The following AKAP10 variants were observed in gnomAD, a reference collection of about 807,000 sequenced individuals.
AKAP10 encodes the protein A-kinase anchoring protein 10, also known as A-kinase anchor protein 10, mitochondrial.
In AKAP10, 24 loss-of-function variants were observed where a neutral mutation model predicts 80.8. The ratio of observed to expected loss-of-function variants is 0.30; its 90% CI spans 0.22 to 0.42. AKAP10 has a LOEUF of 0.42. Ranked by LOEUF, AKAP10 falls within the 10% of genes least tolerant of loss-of-function variation. The pLI is 1.00. For synonymous variants in AKAP10, 291 were observed against 277.7 expected (o/e 1.05, Z -0.48); for missense variants, 661 against 794.9 (o/e 0.83, Z 2.03).
At chr17:19,932,681 C>A (rs972257564) in intron 9 of AKAP10, among the ~76,000 whole-genome samples, 60 of 152,064 alleles carry the variant, frequency 3.9e-4, no homozygotes, top group Admixed American at 1.2e-3. Flanking sequence ...ACTCACCAGG[C>A]GTGTGATTGC....
At chr17:19,917,174 A>C (rs889932641) in intron 12 of AKAP10, among the ~76,000 whole-genome samples, 3 of 151,642 alleles carry the variant, frequency 2.0e-5, no homozygotes, top group African/African-American at 7.3e-5. Context: ...CTGAGGCAGG[A>C]GAATGGTGTG....
At chr17:19,944,493 A>C (rs58410563) in intron 5 of AKAP10, among the ~76,000 whole-genome samples, 3,574 of 152,036 alleles carry the variant, frequency 0.024, 130 homozygotes, top group African/African-American at 0.081. Flanking sequence ...CTACTAAAAT[A>C]CAAAAAAAAA....
rs1325474253 is a variant in AKAP10 at position 19,906,288 on chromosome 17, A to G, written c.1984-56T>C. On this transcript the variant is annotated intron_variant, in intron 14 of 14. Transcript: ENST00000225737. Reference sequence around the variant, plus strand: ...GGTGCATTTCTCTAACAAGTGACCTATTATTACAAATTAAGGATGGACACC... The same window carrying G: ...GGTGCATTTCTCTAACAAGTGACCTGTTATTACAAATTAAGGATGGACACC... The G allele has an allele frequency of 2.6e-6, 4 of 1,567,036 alleles. No individual in the cohort carries two copies. In the African/African-American group the frequency reaches 5.4e-5, roughly 21 times the overall value.
intron 14 of AKAP10, among the ~76,000 whole-genome samples, chr17:19,906,793 C>T (rs532036474): frequency 3.0e-4 from 45 of 152,246 alleles, no homozygotes; most frequent in African/African-American, 1.1e-3. Context: ...AGAGAGGTAT[C>T]AACACAGGAT....
At chr17:19,907,890 T>G (rs952851264) in intron 14 of AKAP10, among the ~76,000 whole-genome samples, 7 of 151,568 alleles carry the variant, frequency 4.6e-5, no homozygotes, top group Non-Finnish European at 1.0e-4. Context: ...TGAGCCTGAG[T>G]TTTGCTCTTT....
intron 12 of AKAP10, among the ~76,000 whole-genome samples, chr17:19,914,628 C>CAAAAAAAAAAAAAAAAAAAAAA (rs36071856): frequency 1.7e-5 from 1 of 58,514 alleles, no homozygotes; most frequent in East Asian, 6.9e-4. Flanking sequence ...GACCCTATCT[C>CAAAAAAAAAAAAAAAAAAAAAA]AAAAAAAAAA....
chr17:19,953,055 A>G (rs1364094167), intron 4 of AKAP10, among the ~76,000 whole-genome samples: 1 of 152,178 alleles, frequency 6.6e-6, no homozygotes, highest in Non-Finnish European at 1.5e-5. Context: ...AAATCATTCA[A>G]AATATATTCT....
At chr17:19,917,739 A>G (rs1189069801) in intron 12 of AKAP10, among the ~76,000 whole-genome samples, 2 of 151,802 alleles carry the variant, frequency 1.3e-5, no homozygotes, top group African/African-American at 2.4e-5. Flanking sequence ...TGGTCAACAT[A>G]GCAAAACCCC....
rs76771727 is a variant in AKAP10 at position 19,953,350 on chromosome 17, GA to G, written c.877+4663del. Among the ~76,000 whole-genome samples the G allele has an allele frequency of 2.9e-3, 410 of 139,622 alleles. 15 individuals are homozygous for G. In the East Asian group the frequency reaches 0.078, roughly 27 times the overall value. 91.6% of individuals were successfully genotyped at this position (139,622 alleles called of 152,430 possible). On this transcript the variant is annotated intron_variant, in intron 4 of 14. Coordinates refer to ENST00000225737, the MANE Select transcript of AKAP10 (RefSeq NM_007202.4). ...AAGTTTCTACTTTAAGCAACTTGGA[GA>G]AAAAAAAAAGAGTAAAATAAACCCA...
At chr17:19,972,183 T>C (rs1163170221) in intron 1 of AKAP10, among the ~76,000 whole-genome samples, 1 of 152,246 alleles carries the variant, frequency 6.6e-6, no homozygotes, top group Non-Finnish European at 1.5e-5. Context: ...CCATGCTTCA[T>C]ATTCTCATCC....
chr17:19,963,428 A>C (rs1049037931), intron 2 of AKAP10, among the ~76,000 whole-genome samples: 15 of 152,110 alleles, frequency 9.9e-5, no homozygotes, highest in Admixed American at 3.9e-4. Flanking sequence ...CTGTGCCAAA[A>C]AGTTAAATTA....
chr17:19,905,975 T>G lies in AKAP10; in HGVS notation c.*252A>C. ...TTATTGCCATTGGAAAACTAATAAT[T>G]TTCTAGTAATGTAAACAATACCATT... On this transcript the variant is annotated 3_prime_UTR_variant, in exon 15 of 15. Transcript: ENST00000225737. 1 of 488,980 alleles carries G rather than the reference T, an allele frequency of 2.0e-6. No homozygotes were observed. Among genetic ancestry groups the G allele is most frequent in the Non-Finnish European group, 3.7e-6 (1 of 270,476 alleles). The allele number at this position is 488,980 out of a possible 1,614,324, so 30.3% of individuals were successfully genotyped here.
At chr17:19,920,389 T>G (rs1039294324) in intron 11 of AKAP10, among the ~76,000 whole-genome samples, 8 of 151,764 alleles carry the variant, frequency 5.3e-5, no homozygotes, top group African/African-American at 1.7e-4. Flanking sequence ...AATTCACAAA[T>G]AAGAAAAAAG....
At chr17:19,969,817 A>C (rs1390899933) in intron 1 of AKAP10, among the ~76,000 whole-genome samples, 1 of 152,128 alleles carries the variant, frequency 6.6e-6, no homozygotes, top group African/African-American at 2.4e-5. Context: ...AAAAATAAAT[A>C]AGATCGTTGC....
intron 12 of AKAP10, among the ~76,000 whole-genome samples, chr17:19,915,785 T>C (rs1408067740): frequency 6.6e-6 from 1 of 152,228 alleles, no homozygotes; most frequent in Non-Finnish European, 1.5e-5. Flanking sequence ...ACTTAGACTA[T>C]GACTATGGCA....
At chr17:19,963,086 G>A (rs1028334029) in intron 2 of AKAP10, 64 bp from the exon 3 acceptor site, 4 of 1,350,330 alleles carry the variant, frequency 3.0e-6, no homozygotes, top group Non-Finnish European at 4.0e-6. Flanking sequence ...CTCTCATAAA[G>A]GGGCTTTCAG....
At chr17:19,919,910 A>C in intron 12 of AKAP10, 126 bp downstream of exon 12, 5 of 712,822 alleles carry the variant, frequency 7.0e-6, no homozygotes, top group Non-Finnish European at 1.1e-5. Context: ...CTGACTATAA[A>C]CACAAGGTGA....
intron 4 of AKAP10, among the ~76,000 whole-genome samples, chr17:19,948,214 A>G (rs1013391944): frequency 9.9e-5 from 15 of 152,184 alleles, no homozygotes; most frequent in African/African-American, 3.6e-4. Context: ...AAATGCATCC[A>G]AGGACTTGGA....
chr17:19,936,231 T>G, intron 9 of AKAP10, 55 bp downstream of exon 9: 5 of 1,555,902 alleles, frequency 3.2e-6, no homozygotes, highest in Non-Finnish European at 3.5e-6. Flanking sequence ...TTATATTTTA[T>G]GAGTTCTACC....
Sources: gnomAD v4.1 joint callset for allele counts (sites outside exome capture counted in the v4.1 genomes callset) on GRCh38, gnomAD v4.1.1 for gene constraint, MANE v1.5 for transcripts, NCBI Gene and HGNC (gene_info 2026-07-23, HGNC 2026-07-21) for gene names.